PLA1A: variants seen among roughly 807,000 people sequenced by gnomAD.
PLA1A encodes phospholipase A1 member A.
A neutral mutation model predicts 49.4 loss-of-function variants in PLA1A; 47 were observed. That is an observed-to-expected ratio of 0.95 (90% CI 0.75 to 1.21). The LOEUF (loss-of-function observed/expected upper bound fraction) is 1.21. Ranked by LOEUF, PLA1A falls within the 50% of genes most tolerant of loss-of-function variation. The pLI is 0.00. For synonymous variants in PLA1A, 224 were observed against 207.9 expected (o/e 1.08, Z -0.67); for missense variants, 561 against 563.9 (o/e 0.99, Z 0.05).
intron 8 of PLA1A, among the ~76,000 whole-genome samples, chr3:119,624,387 T>A (rs758156016): frequency 9.9e-5 from 15 of 152,192 alleles, no homozygotes; most frequent in Non-Finnish European, 2.2e-4. Context: ...CTCTCAGTAC[T>A]GTTGCACAGA....
chr3:119,628,008 G>GT (rs56326393), intron 9 of PLA1A, among the ~76,000 whole-genome samples: 2 of 103,348 alleles, frequency 1.9e-5, no homozygotes, highest in Non-Finnish European at 4.2e-5. Context: ...AAGGGAATCT[G>GT]GGGGGGCAAA....
rs185425339 is a variant in PLA1A, at chr3:119,621,101, A to G, written c.1012+1449A>G. Reference sequence around the variant, plus strand: ...TGGTGGAGGTGGTGTTGCCAGGACCAGATGTCCTGACTTCTAATTCCAGCT... The same window carrying G: ...TGGTGGAGGTGGTGTTGCCAGGACCGGATGTCCTGACTTCTAATTCCAGCT... On this transcript the variant is annotated intron_variant, in intron 8 of 10. Coordinates refer to ENST00000273371, the MANE Select transcript of PLA1A (RefSeq NM_015900.4). Among the ~76,000 whole-genome samples the G allele has an allele frequency of 2.0e-5, 3 of 152,306 alleles. No individual in the cohort carries two copies. In the East Asian group the frequency reaches 5.8e-4, roughly 29 times the overall value.
Position 119,607,691 on chromosome 3 carries a change from G to A in PLA1A, c.275+716G>A, listed in dbSNP as rs547583215. Reference sequence around the variant, plus strand: ...CTGGACTCCAGAGACTCAGCTACATGTTTCCTTAGGCATCTCTCCTTGCTC... The same window carrying A: ...CTGGACTCCAGAGACTCAGCTACATATTTCCTTAGGCATCTCTCCTTGCTC... On this transcript the variant is annotated intron_variant, in intron 2 of 10. Transcript: ENST00000273371. Among the ~76,000 whole-genome samples, 7 of 152,328 alleles carry A rather than the reference G, an allele frequency of 4.6e-5. No individual in the cohort carries two copies. The South Asian group carries it at 1.2e-3, about 27-fold the overall frequency.
At chr3:119,620,272 T>G (rs1027706858) in intron 8 of PLA1A, 8 of 406,516 alleles carry the variant, frequency 2.0e-5, no homozygotes, top group Non-Finnish European at 4.0e-5. Context: ...TTATGCTGGT[T>G]ATCCTGGGGT....
rs1456034595 is a variant in PLA1A, at chr3:119,625,211, C to A, written c.1100C>A (p.Thr367Asn). ...GTTACCTTCCTTAGCAGTAACATCA[C>A]CTCTTCATCTAAGATCACCATGTAC... ...IEVTFLSSNI[T>N]SSSKITIPKQ... Residue 367 changes from threonine to asparagine, a missense_variant, in exon 9 of 11, where the codon ACC (threonine) becomes AAC (asparagine). Coordinates refer to ENST00000273371, the MANE Select transcript of PLA1A (RefSeq NM_015900.4). 6 of 1,609,638 alleles carry A rather than the reference C, an allele frequency of 3.7e-6. No homozygotes were observed. In the South Asian group the frequency reaches 6.6e-5, roughly 18 times the overall value.
intron 9 of PLA1A, among the ~76,000 whole-genome samples, chr3:119,627,856 C>CA (rs1349050429): frequency 2.0e-5 from 3 of 152,206 alleles, no homozygotes; most frequent in African/African-American, 7.2e-5. Flanking sequence ...CATTGAATCT[C>CA]ACGATTTTTT....
intron 5 of PLA1A, among the ~76,000 whole-genome samples, chr3:119,613,896 A>AT (rs2082806173): frequency 6.6e-6 from 1 of 151,934 alleles, no homozygotes; most frequent in Admixed American, 6.6e-5. Flanking sequence ...CTGTCTCCAA[A>AT]AAAAAGAAAA....
intron 1 of PLA1A, among the ~76,000 whole-genome samples, chr3:119,601,445 C>T (rs1299849214): frequency 6.6e-6 from 1 of 152,162 alleles, no homozygotes; most frequent in Non-Finnish European, 1.5e-5. Context: ...GTCAAAGACT[C>T]AAGAATAGAA....
chr3:119,608,639 A>C, intron 2 of PLA1A, 131 bp from the exon 3 acceptor site: 1 of 733,268 alleles, frequency 1.4e-6, no homozygotes. Context: ...AGTACTGTGT[A>C]ATAAACTCCT....
intron 1 of PLA1A, among the ~76,000 whole-genome samples, chr3:119,605,302 G>C (rs1305825307): frequency 2.0e-5 from 3 of 152,240 alleles, no homozygotes; most frequent in Admixed American, 2.0e-4. Context: ...ACAAAGTCTG[G>C]GGCTCAGAAG....
intron 1 of PLA1A, among the ~76,000 whole-genome samples, chr3:119,599,565 G>A (rs932284006): frequency 5.9e-5 from 9 of 152,242 alleles, no homozygotes; most frequent in Admixed American, 2.6e-4. Flanking sequence ...CTCATCTGTC[G>A]GTAAGCCTGG....
chr3:119,629,412 G>C lies in PLA1A; in HGVS notation c.1315G>C (p.Val439Leu), dbSNP rs1577159889. The change falls in exon 11 of 11, where the codon GTG becomes CTG. Residue 439 changes from valine (V) to leucine (L), a missense_variant. Coordinates refer to ENST00000273371, the MANE Select transcript of PLA1A (RefSeq NM_015900.4). ...REKMVCLPEP[V>L]NLQASVTVSC... ...AAAGATGGTCTGCTTACCTGAACCAGTGAACTTACAAGCAAGTGTGACTGT... is the reference window on the plus strand; with the variant it reads ...AAAGATGGTCTGCTTACCTGAACCACTGAACTTACAAGCAAGTGTGACTGT... The C allele has an allele frequency of 1.9e-6, 3 of 1,611,666 alleles. No homozygotes were observed. Among genetic ancestry groups the C allele is most frequent in the Non-Finnish European group, 1.7e-6 (2 of 1,177,848 alleles).
At chr3:119,604,013 G>C (rs2082651117) in intron 1 of PLA1A, among the ~76,000 whole-genome samples, 2 of 152,198 alleles carry the variant, frequency 1.3e-5, no homozygotes, top group Admixed American at 1.3e-4. Context: ...CCCAAGTGCT[G>C]TTTTAGCCAC....
At chr3:119,601,398 C>T (rs967593600) in intron 1 of PLA1A, among the ~76,000 whole-genome samples, 1 of 152,128 alleles carries the variant, frequency 6.6e-6, no homozygotes, top group Non-Finnish European at 1.5e-5. Flanking sequence ...ATGGGTGTTA[C>T]CAGGCCTTAC....
intron 9 of PLA1A, among the ~76,000 whole-genome samples, chr3:119,627,502 T>G (rs1212274653): frequency 1.3e-5 from 2 of 151,990 alleles, no homozygotes; most frequent in African/African-American, 2.4e-5. Context: ...TGATCTTCCC[T>G]CAGAAGGAAA....
intron 2 of PLA1A, among the ~76,000 whole-genome samples, chr3:119,608,038 G>T (rs543809109): frequency 7.6e-4 from 116 of 152,172 alleles, no homozygotes; most frequent in Non-Finnish European, 1.4e-3. Flanking sequence ...GTAAGTTCCA[G>T]AAGGACAGGG....
At chr3:119,601,129 C>G (rs1184743230) in intron 1 of PLA1A, among the ~76,000 whole-genome samples, 2 of 152,264 alleles carry the variant, frequency 1.3e-5, no homozygotes, top group African/African-American at 4.8e-5. Context: ...AACTCTGTCA[C>G]TGCCAGAACA....
intron 4 of PLA1A, among the ~76,000 whole-genome samples, chr3:119,609,837 C>T (rs1383242489): frequency 2.0e-5 from 3 of 152,108 alleles, no homozygotes; most frequent in African/African-American, 4.8e-5. Flanking sequence ...TTTAAAAAAA[C>T]TTTTAGATTC....
chr3:119,614,035 G>A (rs747996624), intron 5 of PLA1A, among the ~76,000 whole-genome samples: 4 of 152,196 alleles, frequency 2.6e-5, no homozygotes, highest in Admixed American at 1.3e-4. Flanking sequence ...CTGCTCCACG[G>A]CAAATGCCTG....
Sources: allele counts gnomAD v4.1 joint callset (sites outside exome capture counted in the v4.1 genomes callset), GRCh38; gene constraint gnomAD v4.1.1; transcripts MANE v1.5; gene names NCBI Gene and HGNC (gene_info 2026-07-23, HGNC 2026-07-21).